EPS8L2: variants seen among roughly 807,000 people sequenced by gnomAD.
EPS8L2 encodes the protein EPS8 signaling adaptor L2.
In EPS8L2, 81 loss-of-function variants were observed where a neutral mutation model predicts 99.4. That is an observed-to-expected ratio of 0.82 (90% CI 0.68 to 0.98). The LOEUF (loss-of-function observed/expected upper bound fraction) is 0.98. Among genes scored for constraint, EPS8L2 ranks in the 50% least tolerant of loss-of-function variants. EPS8L2 has a pLI of 0.00. For missense variants in EPS8L2, 1,155 were observed against 968.8 expected, an observed-to-expected ratio of 1.19 and a Z score of -2.55; for synonymous variants, 509 against 407.3, an observed-to-expected ratio of 1.25 and a Z score of -3.01.
chr11:710,528 C>CATGGCTGT (rs1388296814), intron 4 of EPS8L2, 42 bp downstream of exon 4: 2 of 1,544,652 alleles, frequency 1.3e-6, no homozygotes, highest in South Asian at 2.2e-5. Flanking sequence ...CCAGGGAGCA[C>CATGGCTGT]CCTCAGGACA....
At chr11:713,100 T>G (rs1352894976) in intron 4 of EPS8L2, among the ~76,000 whole-genome samples, 1 of 152,124 alleles carries the variant, frequency 6.6e-6, no homozygotes, top group African/African-American at 2.4e-5. Flanking sequence ...ATGAGGACAC[T>G]GGGGACCAGA....
intron 4 of EPS8L2, among the ~76,000 whole-genome samples, chr11:717,257 G>A (rs1380817172): frequency 6.6e-6 from 1 of 152,342 alleles, no homozygotes; most frequent in Non-Finnish European, 1.5e-5. Flanking sequence ...TTACAGGCAT[G>A]AGCCACCGTG....
At position 726,470 on chromosome 11, in the gene EPS8L2, G is replaced by A. The variant is rs1862325743; in HGVS notation, c.1920G>A (p.Lys640=). The change falls in exon 19 of 21, where the codon AAG becomes AAA. Residue 640 remains lysine, a synonymous_variant. Coordinates refer to ENST00000318562, the MANE Select transcript of EPS8L2 (RefSeq NM_022772.4). ...PDEVRAWLEA[K]AFSPRIVENL... ...AGGTCCGCGCCTGGCTGGAAGCCAA[G>A]GCCTTCAGCCCGCGGTGAGCGGGGG... is the stretch of plus-strand genomic sequence containing the variant. The A allele has an allele frequency of 3.2e-6, 5 of 1,568,056 alleles. No individual in the cohort carries two copies. Among genetic ancestry groups the A allele is most frequent in the Non-Finnish European group, 4.3e-6 (5 of 1,158,214 alleles).
Position 726,492 on chromosome 11 carries a change from G to A in EPS8L2, c.1934+8G>A, listed in dbSNP as rs1862327112. The A allele has an allele frequency of 6.5e-7, 1 of 1,546,762 alleles. No individual in the cohort carries two copies. The highest frequency in any genetic ancestry group is 8.7e-7 in the Non-Finnish European group (1 of 1,145,736). On this transcript the variant is annotated splice_region_variant and intron_variant, in intron 19 of 20. Coordinates refer to ENST00000318562, the MANE Select transcript of EPS8L2 (RefSeq NM_022772.4). ...CAAGGCCTTCAGCCCGCGGTGAGCG[G>A]GGGCGGGGGATGAGCTGGGGCCCGG...
At chr11:717,988 A>G (rs1459973373) in intron 4 of EPS8L2, among the ~76,000 whole-genome samples, 7 of 150,010 alleles carry the variant, frequency 4.7e-5, no homozygotes, top group Admixed American at 6.6e-5. Context: ...CAGCCTGGGC[A>G]GCAGAGTGAG....
At chr11:726,810 C>A in intron 20 of EPS8L2, 59 bp downstream of exon 20, 1 of 1,580,098 alleles carries the variant, frequency 6.3e-7, no homozygotes, top group East Asian at 2.3e-5. Flanking sequence ...TCCTCTCCCC[C>A]GCCCGTTCCT....
At position 724,913 on chromosome 11, in the gene EPS8L2, T is replaced by G. The variant is rs1862275820; in HGVS notation, c.1560+84T>G. 1 of 1,051,652 alleles carries G rather than the reference T, an allele frequency of 9.5e-7. No homozygotes were observed. Among genetic ancestry groups the G allele is most frequent in the Non-Finnish European group, 1.5e-6 (1 of 689,568 alleles). The allele number at this position is 1,051,652 out of a possible 1,614,324, so 65.1% of individuals were successfully genotyped here. A position where few individuals can be genotyped will look rare whatever the true frequency, so the allele number is the denominator to read the frequency against. Reference sequence around the variant, plus strand: ...GGCTACCAGGGGAGGTGGGGAGCGGTCTAGGGCCAGGCTGGGTGATGCCAG... The same window carrying G: ...GGCTACCAGGGGAGGTGGGGAGCGGGCTAGGGCCAGGCTGGGTGATGCCAG... On this transcript the variant is annotated intron_variant, in intron 16 of 20. Transcript: ENST00000318562. This position sits in a 1 kb window ranked among gnomAD's most constrained non-coding sequence, Gnocchi z 5.5.
At chr11:721,864 T>C in intron 10 of EPS8L2, 39 bp from the exon 11 acceptor site, 3 of 1,559,700 alleles carry the variant, frequency 1.9e-6, no homozygotes, top group East Asian at 2.4e-5. Context: ...GCCGGGGAGA[T>C]CAGGGCCAGC....
Position 721,888 on chromosome 11 carries a change from T to G in EPS8L2, c.896-15T>G. ...ATCAGGGCCAGCCTGGCTCACGCGG[T>G]GCCTCCCATGCCAGAGGGCGTCCTC... On this transcript the variant is annotated splice_polypyrimidine_tract_variant and intron_variant, in intron 10 of 20. Transcript: ENST00000318562. 2 of 1,573,118 alleles carry G rather than the reference T, an allele frequency of 1.3e-6. No homozygotes were observed. Among genetic ancestry groups the G allele is most frequent in the Non-Finnish European group, 1.7e-6 (2 of 1,159,928 alleles).
rs1862355092 is a variant in EPS8L2, at chr11:727,230, C to T, written c.*249C>T. Reference sequence around the variant, plus strand: ...GTGGTGCCAGCCCCTTGTCCACCTTCTCTTGAGGCCACAGAACTCCCTGGG... The same window carrying T: ...GTGGTGCCAGCCCCTTGTCCACCTTTTCTTGAGGCCACAGAACTCCCTGGG... On this transcript the variant is annotated 3_prime_UTR_variant, in exon 21 of 21. Transcript: ENST00000318562. 25 of 367,492 alleles carry T rather than the reference C, an allele frequency of 6.8e-5. No homozygotes were observed. The South Asian group carries it at 7.5e-4, about 11-fold the overall frequency. The allele number at this position is 367,492 out of a possible 1,614,324, so 22.8% of individuals were successfully genotyped here.
intron 4 of EPS8L2, 124 bp downstream of exon 4, chr11:710,610 G>A (rs540969909): frequency 5.0e-4 from 488 of 972,506 alleles, no homozygotes; most frequent in Non-Finnish European, 7.0e-4. Context: ...CGGCCTGTAG[G>A]CCCTGCTACT....
At chr11:712,242 C>G (rs149429951) in intron 4 of EPS8L2, among the ~76,000 whole-genome samples, 2 of 151,816 alleles carry the variant, frequency 1.3e-5, no homozygotes, top group African/African-American at 4.8e-5. Flanking sequence ...GCCGGGATTG[C>G]GCCACTGCAC....
chr11:721,014 G>C, intron 7 of EPS8L2, 50 bp from the exon 8 acceptor site: 2 of 1,438,002 alleles, frequency 1.4e-6, no homozygotes, highest in Non-Finnish European at 1.8e-6. Flanking sequence ...CAGGGAGGGA[G>C]GGTCAGGTGC....
chr11:720,255 A>C lies in EPS8L2; in HGVS notation c.327+32A>C, dbSNP rs934590885. 33 of 1,609,850 alleles carry C rather than the reference A, an allele frequency of 2.0e-5. 1 individual carries two copies. The highest frequency in any genetic ancestry group is 3.3e-5 in the Admixed American group (2 of 59,782). ...CCCAGCGCCACGGGGGACAGGGAGCACAGTGGGTAGAGGCGGTGGCAGCCA... is the reference window on the plus strand; with the variant it reads ...CCCAGCGCCACGGGGGACAGGGAGCCCAGTGGGTAGAGGCGGTGGCAGCCA... On this transcript the variant is annotated intron_variant, in intron 5 of 20. Coordinates refer to ENST00000318562, the MANE Select transcript of EPS8L2 (RefSeq NM_022772.4).
chr11:718,998 C>T (rs1206694038), intron 4 of EPS8L2, among the ~76,000 whole-genome samples: 7 of 144,880 alleles, frequency 4.8e-5, no homozygotes, highest in Non-Finnish European at 1.0e-4. Flanking sequence ...CAGAGTCTTC[C>T]TCTGTTGCCC....
chr11:725,923 A>G, intron 17 of EPS8L2, 76 bp downstream of exon 17: 2 of 1,376,644 alleles, frequency 1.5e-6, no homozygotes, highest in South Asian at 1.6e-5. Context: ...GCCCCGCCCC[A>G]AGGCCAGCCC....
At chr11:712,937 C>A (rs1426076901) in intron 4 of EPS8L2, among the ~76,000 whole-genome samples, 1 of 152,230 alleles carries the variant, frequency 6.6e-6, no homozygotes, top group Non-Finnish European at 1.5e-5. Flanking sequence ...GGGACTCTGC[C>A]CTCTTCGGGA....
At chr11:720,965 G>GGGGAGGGGAGGAGCCCGGCA (rs1862145646) in intron 7 of EPS8L2, 56 bp downstream of exon 7, 7 of 1,291,370 alleles carry the variant, frequency 5.4e-6, no homozygotes, top group African/African-American at 4.4e-5. Context: ...GAGCCCGGCA[G>GGGGAGGGGAGGAGCCCGGCA]GGGAGGGGAG....
intron 1 of EPS8L2, chr11:709,103 G>A (rs1335436765): frequency 9.4e-6 from 5 of 534,640 alleles, no homozygotes; most frequent in Non-Finnish European, 1.7e-5. Context: ...CAGCCTCTGG[G>A]GGGTCCCTGT....
Sources: gnomAD v4.1 joint callset for allele counts (sites outside exome capture counted in the v4.1 genomes callset) on GRCh38, gnomAD v4.1.1 for gene constraint, Gnocchi (gnomAD v3.1) non-coding constraint, MANE v1.5 for transcripts, NCBI Gene and HGNC (gene_info 2026-07-23, HGNC 2026-07-21) for gene names.